The following ANKS1B variants were observed in gnomAD, a reference collection of about 807,000 sequenced individuals.
ANKS1B encodes ankyrin repeat and sterile alpha motif domain containing 1B.
ANKS1B carries 36 observed loss-of-function variants against 148.3 expected under a neutral mutation model. That is an observed-to-expected ratio of 0.24 (90% CI 0.19 to 0.32). The LOEUF (loss-of-function observed/expected upper bound fraction) is 0.32. Ranked by LOEUF, ANKS1B falls within the 10% of genes least tolerant of loss-of-function variation. The pLI is 1.00. For synonymous variants in ANKS1B, 542 were observed against 560.8 expected (o/e 0.97, Z 0.47); for missense variants, 1,157 against 1,542.6 (o/e 0.75, Z 4.19).
intron 8 of ANKS1B, among the ~76,000 whole-genome samples, chr12:99,733,603 T>C (rs1476976290): frequency 6.6e-6 from 1 of 152,284 alleles, no homozygotes; most frequent in Non-Finnish European, 1.5e-5. Flanking sequence ...CTTTCTAAAA[T>C]ACATGATGAA....
At chr12:99,760,281 C>T (rs2061961706) in intron 8 of ANKS1B, among the ~76,000 whole-genome samples, 1 of 151,788 alleles carries the variant, frequency 6.6e-6, no homozygotes, top group Admixed American at 6.6e-5. Context: ...TGATGACATG[C>T]TCAGCCATAA....
At chr12:98,825,785 A>C (rs536930767) in intron 19 of ANKS1B, among the ~76,000 whole-genome samples, 1 of 152,156 alleles carries the variant, frequency 6.6e-6, no homozygotes, top group Non-Finnish European at 1.5e-5. Context: ...GAAGACTGCA[A>C]TTAGGTCCTA....
chr12:99,223,982 T>C (rs900459193), intron 14 of ANKS1B, among the ~76,000 whole-genome samples: 6 of 152,332 alleles, frequency 3.9e-5, no homozygotes, highest in Admixed American at 1.3e-4. Context: ...TGGGGAAAAC[T>C]CTGCTGTATT....
At position 99,228,092 on chromosome 12, in the gene ANKS1B, G is replaced by A. The variant is rs113293836; in HGVS notation, c.2419+16250C>T. On this transcript the variant is annotated intron_variant, in intron 14 of 26. Coordinates refer to ENST00000683438, the MANE Select transcript of ANKS1B (RefSeq NM_001352186.2). ...CTCATAAAACAGAAGATAAAAGTAT[G>A]AGCCATGGAATTATAGAGCTGGAAA... Among the ~76,000 whole-genome samples the A allele has an allele frequency of 3.4e-3, 520 of 152,110 alleles. 3 individuals are homozygous for A. Among genetic ancestry groups the A allele is most frequent in the African/African-American group, 0.012 (490 of 41,494 alleles).
intron 11 of ANKS1B, among the ~76,000 whole-genome samples, chr12:99,438,042 A>G (rs753737902): frequency 7.2e-5 from 11 of 151,906 alleles, no homozygotes; most frequent in Non-Finnish European, 1.5e-4. Flanking sequence ...AGTTTTGACA[A>G]TGTTGACTAA....
intron 12 of ANKS1B, among the ~76,000 whole-genome samples, chr12:99,278,048 AT>A (rs1377285146): frequency 6.6e-6 from 1 of 152,246 alleles, no homozygotes; most frequent in African/African-American, 2.4e-5. Flanking sequence ...AAGCGAGGAT[AT>A]TAGAAATCAA....
intron 23 of ANKS1B, chr12:98,781,568 A>G (rs756110829): frequency 2.8e-5 from 11 of 396,074 alleles, no homozygotes; most frequent in Non-Finnish European, 4.4e-5. Context: ...CTTTCACAAG[A>G]GTTAAACCAC....
chr12:98,848,742 G>GTTTTTTTTTTTTTTTT lies in ANKS1B; in HGVS notation c.2779-16607_2779-16606insAAAAAAAAAAAAAAAA, dbSNP rs1567128578. Among the ~76,000 whole-genome samples, 6 of 12,782 alleles carry GTTTTTTTTTTTTTTTT rather than the reference G, an allele frequency of 4.7e-4. 1 individual carries two copies. The highest frequency in any genetic ancestry group is 4.5e-3 in the South Asian group (1 of 222). The allele number at this position is 12,782 out of a possible 152,430, so 8.4% of individuals were successfully genotyped here. A position where few individuals can be genotyped will look rare whatever the true frequency, so the allele number is the denominator to read the frequency against. ...CCTGGATTAATTTCTGTGTATGTGT[G>GTTTTTTTTTTTTTTTT]GTTTTTTTTTTTTTGAGACGGAGTC... On this transcript the variant is annotated intron_variant, in intron 17 of 26. Coordinates refer to ENST00000683438, the MANE Select transcript of ANKS1B (RefSeq NM_001352186.2).
intron 16 of ANKS1B, among the ~76,000 whole-genome samples, chr12:99,077,632 C>A (rs2048298741): frequency 6.6e-6 from 1 of 152,210 alleles, no homozygotes; most frequent in Non-Finnish European, 1.5e-5. Flanking sequence ...ACATCTGCGT[C>A]AACCATCAAG....
intron 22 of ANKS1B, among the ~76,000 whole-genome samples, chr12:98,785,966 T>C (rs2098790778): frequency 6.6e-6 from 1 of 152,192 alleles, no homozygotes; most frequent in Non-Finnish European, 1.5e-5. Flanking sequence ...GCCATGCTCT[T>C]TGTGGCATTT....
In ANKS1B at chr12:98,745,452, G is replaced by C; in HGVS notation, c.*287C>G. Reference sequence around the variant, plus strand: ...GAAGCAAAGCAAGTACTGGGGCGGAGTCATCAGAAATACCTTGGGAGGTGG... The same window carrying C: ...GAAGCAAAGCAAGTACTGGGGCGGACTCATCAGAAATACCTTGGGAGGTGG... On this transcript the variant is annotated 3_prime_UTR_variant, in exon 27 of 27. Coordinates refer to ENST00000683438, the MANE Select transcript of ANKS1B (RefSeq NM_001352186.2). 9.4e-7 allele frequency: 1 copy of C among 1,059,250 alleles called. No homozygotes were observed. The allele number at this position is 1,059,250 out of a possible 1,614,324, so 65.6% of individuals were successfully genotyped here. A position where few individuals can be genotyped will look rare whatever the true frequency, so the allele number is the denominator to read the frequency against.
chr12:99,058,269 T>C (rs2040978348), intron 16 of ANKS1B, among the ~76,000 whole-genome samples: 1 of 140,130 alleles, frequency 7.1e-6, no homozygotes, highest in Admixed American at 7.6e-5. Context: ...AGAGTCTCAC[T>C]CTGTCACCCG....
chr12:99,714,525 A>G (rs775638758), intron 8 of ANKS1B, among the ~76,000 whole-genome samples: 5 of 152,116 alleles, frequency 3.3e-5, no homozygotes, highest in Admixed American at 6.5e-5. Flanking sequence ...AATTCTCACA[A>G]TATTTCAAGT....
intron 1 of ANKS1B, among the ~76,000 whole-genome samples, chr12:99,912,305 A>C (rs1489690323): frequency 6.6e-6 from 1 of 151,472 alleles, no homozygotes; most frequent in African/African-American, 2.4e-5. Flanking sequence ...GTTTGGTTTC[A>C]GTTTGCTTAC....
chr12:99,285,333 A>G (rs1211426555), intron 12 of ANKS1B, among the ~76,000 whole-genome samples: 2 of 152,198 alleles, frequency 1.3e-5, no homozygotes, highest in Non-Finnish European at 1.5e-5. Context: ...CATTGTATGG[A>G]TATAGCATAA....
intron 9 of ANKS1B, among the ~76,000 whole-genome samples, chr12:99,653,678 C>CTTTTTTTTTTTTTTTT (rs199988255): frequency 1.8e-5 from 2 of 113,584 alleles, no homozygotes; most frequent in Non-Finnish European, 3.7e-5. Flanking sequence ...TTCTTTCTTT[C>CTTTTTTTTTTTTTTTT]TTTTTTTTTT....
intron 17 of ANKS1B, among the ~76,000 whole-genome samples, chr12:98,836,567 A>G (rs2099364528): frequency 6.6e-6 from 1 of 152,212 alleles, no homozygotes; most frequent in African/African-American, 2.4e-5. Context: ...GTTTGCCTTG[A>G]GTGAGAAAGG....
intron 8 of ANKS1B, among the ~76,000 whole-genome samples, chr12:99,661,943 T>C (rs1242136708): frequency 2.6e-5 from 4 of 152,144 alleles, no homozygotes; most frequent in Admixed American, 6.5e-5. Flanking sequence ...TAGCTGGAGC[T>C]GGAGCATTTG....
At chr12:98,951,368 C>T (rs562099562) in intron 17 of ANKS1B, among the ~76,000 whole-genome samples, 2 of 152,282 alleles carry the variant, frequency 1.3e-5, no homozygotes, top group South Asian at 2.1e-4. Context: ...TAGAACACTG[C>T]TGTCCCCATT....
Sources: allele counts gnomAD v4.1 joint callset (sites outside exome capture counted in the v4.1 genomes callset), GRCh38; gene constraint gnomAD v4.1.1; transcripts MANE v1.5; gene names NCBI Gene and HGNC (gene_info 2026-07-23, HGNC 2026-07-21).